The following KSR1 variants were observed in gnomAD, a reference collection of about 807,000 sequenced individuals.
KSR1 encodes the protein kinase suppressor of ras 1, also known as kinase suppressor of ras.
A neutral mutation model predicts 92.9 loss-of-function variants in KSR1; 35 were observed. The ratio of observed to expected loss-of-function variants is 0.38; its 90% CI spans 0.29 to 0.50. The LOEUF is 0.50. KSR1 is among the 20% of genes least tolerant of loss of function. KSR1 has a pLI of 0.94. For missense variants in KSR1, 972 were observed against 1,158.5 expected (o/e 0.84, Z 2.34); for synonymous variants, 467 against 472.6 (o/e 0.99, Z 0.15).
intron 1 of KSR1, among the ~76,000 whole-genome samples, chr17:27,486,238 AAC>A (rs1207298122): frequency 6.6e-6 from 1 of 152,130 alleles, no homozygotes; most frequent in Non-Finnish European, 1.5e-5. Flanking sequence ...CTTTAATGTA[AAC>A]ACACTGACAA....
intron 1 of KSR1, among the ~76,000 whole-genome samples, chr17:27,482,717 T>C (rs2068545692): frequency 6.6e-6 from 1 of 152,120 alleles, no homozygotes; most frequent in African/African-American, 2.4e-5. Context: ...ATATTAATGA[T>C]GAACCACTAA....
At chr17:27,545,544 G>A (rs1452187072) in intron 1 of KSR1, among the ~76,000 whole-genome samples, 1 of 152,212 alleles carries the variant, frequency 6.6e-6, no homozygotes, top group Non-Finnish European at 1.5e-5. Flanking sequence ...AGAAAAAGCA[G>A]CCCATGTGCT....
rs1424685069 is a variant in KSR1 at position 27,538,568 on chromosome 17, A to G, written c.232-12000A>G. On this transcript the variant is annotated intron_variant, in intron 1 of 20. Coordinates refer to ENST00000644974, the MANE Select transcript of KSR1 (RefSeq NM_001394583.1). ...TGTGCAGGGACCCCATTCCGGATCA[A>G]TTATGTCACACTCGCTGAAGCCAAG... Among the ~76,000 whole-genome samples, 4 of 152,290 alleles carry G rather than the reference A, an allele frequency of 2.6e-5. No individual in the cohort carries two copies. In the East Asian group the frequency reaches 5.8e-4, roughly 22 times the overall value.
chr17:27,525,450 G>C (rs2070221157), intron 1 of KSR1, among the ~76,000 whole-genome samples: 1 of 152,238 alleles, frequency 6.6e-6, no homozygotes, highest in Non-Finnish European at 1.5e-5. Flanking sequence ...GAGAATAAAT[G>C]AGTTACCGCA....
At chr17:27,556,676 G>A (rs571109454) in intron 2 of KSR1, among the ~76,000 whole-genome samples, 14 of 152,298 alleles carry the variant, frequency 9.2e-5, no homozygotes, top group African/African-American at 1.7e-4. Context: ...AAGAAATTGC[G>A]TAGGGCCATG....
At chr17:27,566,503 C>T (rs943622038) in intron 2 of KSR1, 2 of 398,998 alleles carry the variant, frequency 5.0e-6, no homozygotes, top group African/African-American at 4.1e-5. Context: ...TCCAGGGGCA[C>T]AGGGCCCCCA....
chr17:27,551,105 A>G (rs1598007702), intron 2 of KSR1, among the ~76,000 whole-genome samples: 1 of 152,350 alleles, frequency 6.6e-6, no homozygotes, highest in South Asian at 2.1e-4. Flanking sequence ...TACTCGAGGA[A>G]ATTAAAGCAC....
intron 1 of KSR1, among the ~76,000 whole-genome samples, chr17:27,484,914 A>G (rs566577266): frequency 4.2e-4 from 64 of 152,300 alleles, no homozygotes; most frequent in African/African-American, 1.4e-3. Flanking sequence ...TTTATTAGGA[A>G]GTGTATGTGA....
At position 27,610,469 on chromosome 17, in the gene KSR1, A is replaced by G. The variant is rs147948300; in HGVS notation, c.2357+271A>G. Among the ~76,000 whole-genome samples, 808 of 152,348 alleles carry G rather than the reference A, an allele frequency of 5.3e-3. 5 individuals carry two copies. The highest frequency in any genetic ancestry group is 0.019 in the African/African-American group (780 of 41,578). On this transcript the variant is annotated intron_variant, in intron 17 of 20. Transcript: ENST00000644974. ...AGGACTAAATCAGGTAATTGTGTGC[A>G]GTGCTTAACACTGGCTGTCAGCCCC...
intron 1 of KSR1, among the ~76,000 whole-genome samples, chr17:27,526,090 TTCTTTCTC>T (rs1567792883): frequency 6.4e-5 from 4 of 62,916 alleles, no homozygotes; most frequent in East Asian, 3.7e-4. Flanking sequence ...CTTTCTTTCT[TTCTTTCTC>T]TCTCTCTCTC....
intron 1 of KSR1, among the ~76,000 whole-genome samples, chr17:27,508,786 A>G (rs952111908): frequency 4.4e-4 from 66 of 151,106 alleles, no homozygotes; most frequent in African/African-American, 1.5e-3. Context: ...CTGGAGTGCA[A>G]TGGCGTGATC....
At chr17:27,606,029 C>T (rs964709779) in intron 14 of KSR1, among the ~76,000 whole-genome samples, 1 of 152,168 alleles carries the variant, frequency 6.6e-6, no homozygotes, top group Non-Finnish European at 1.5e-5. Context: ...TCTGTAATCC[C>T]AACACTTTGG....
At chr17:27,581,073 A>G (rs1307458239) in intron 3 of KSR1, among the ~76,000 whole-genome samples, 1 of 152,170 alleles carries the variant, frequency 6.6e-6, no homozygotes, top group Non-Finnish European at 1.5e-5. Flanking sequence ...GCTCTCCAGG[A>G]AGCATAGCAG....
At chr17:27,495,120 G>T (rs920583012) in intron 1 of KSR1, among the ~76,000 whole-genome samples, 2 of 152,210 alleles carry the variant, frequency 1.3e-5, no homozygotes, top group African/African-American at 2.4e-5. Flanking sequence ...TACCCATTGG[G>T]CAGGGAAGGA....
chr17:27,568,738 C>T lies in KSR1; in HGVS notation c.373-8754C>T, dbSNP rs58838190. ...ATAGGATTACCGCATCCCAGTTTGC[C>T]GGCAACAGTCCCAGCTGAGGCCTGC... On this transcript the variant is annotated intron_variant, in intron 2 of 20. Transcript: ENST00000644974. 3.6e-3 allele frequency among the ~76,000 whole-genome samples: 553 copies of T among 152,322 alleles called. 11 individuals are homozygous for T. In the East Asian group the frequency reaches 0.054, roughly 15 times the overall value.
chr17:27,622,090 C>T (rs1179401581), intron 20 of KSR1: 1 of 720,876 alleles, frequency 1.4e-6, no homozygotes. Flanking sequence ...ACTTCTTTTG[C>T]TTTGTTTTAA....
intron 7 of KSR1, 76 bp downstream of exon 7, chr17:27,590,970 G>A (rs920969828): frequency 7.3e-6 from 9 of 1,241,156 alleles, no homozygotes; most frequent in Non-Finnish European, 1.0e-5. Context: ...CCCTATGCTT[G>A]CTATTCATAG....
chr17:27,550,717 G>C lies in KSR1; in HGVS notation c.372+9G>C, dbSNP rs780006525. ...GGCCGGAGGTGGTGCAGGTATGCAA[G>C]CTGGTTCTCAGCATAGGGATAGGCA... On this transcript the variant is annotated intron_variant, in intron 2 of 20. Transcript: ENST00000644974. 1 of 762,136 alleles carries C rather than the reference G, an allele frequency of 1.3e-6. No homozygotes were observed. Among genetic ancestry groups the C allele is most frequent in the African/African-American group, 1.7e-5 (1 of 59,046 alleles). 47.2% of individuals were successfully genotyped at this position (762,136 alleles called of 1,614,324 possible).
At chr17:27,539,699 A>G (rs551325557) in intron 1 of KSR1, among the ~76,000 whole-genome samples, 1 of 152,106 alleles carries the variant, frequency 6.6e-6, no homozygotes, top group Admixed American at 6.5e-5. Flanking sequence ...TTTCTTTCTC[A>G]TGATTTAGTC....
Sources: allele counts gnomAD v4.1 joint callset (sites outside exome capture counted in the v4.1 genomes callset), GRCh38; gene constraint gnomAD v4.1.1; transcripts MANE v1.5; gene names NCBI Gene and HGNC (gene_info 2026-07-23, HGNC 2026-07-21).